RC3H1: variants seen among roughly 807,000 people sequenced by gnomAD.
The protein encoded by RC3H1 is ring finger and CCCH-type domains 1.
Under a neutral mutation model 138.2 loss-of-function variants are expected in RC3H1, and 50 were observed. That is an observed-to-expected ratio of 0.36 (90% CI 0.29 to 0.46). RC3H1 has a LOEUF of 0.46. RC3H1 is among the 20% of genes least tolerant of loss of function. The probability of loss-of-function intolerance (pLI) is 1.00; values close to 1 mark genes in which losing one functional copy is unlikely to be tolerated. For synonymous variants in RC3H1, 462 were observed against 489.1 expected (o/e 0.94, Z 0.73); for missense variants, 1,031 against 1,388.1 (o/e 0.74, Z 4.09).
chr1:173,934,883 A>G lies in RC3H1; in HGVS notation c.*3838T>C, dbSNP rs559989742. ...GAGCTCCATCCCTGAAGAACTCTGG[A>G]AAGTCTGATGGAGTTATATACTCAA... On this transcript the variant is annotated 3_prime_UTR_variant, in exon 20 of 20. Transcript: ENST00000367696. 5 of 152,306 alleles carry G rather than the reference A, an allele frequency of 3.3e-5. No homozygotes were observed. In the East Asian group the frequency reaches 9.6e-4, roughly 29 times the overall value. 9.4% of individuals were successfully genotyped at this position (152,306 alleles called of 1,614,324 possible).
chr1:173,941,478 C>A, intron 18 of RC3H1, 98 bp from the exon 19 acceptor site: 1 of 720,224 alleles, frequency 1.4e-6, no homozygotes, highest in Non-Finnish European at 2.4e-6. Context: ...ATCCAGAAAT[C>A]ATATTCAATT....
At position 173,961,734 on chromosome 1, in the gene RC3H1, C is replaced by G. The variant is rs184550773; in HGVS notation, c.2193G>C (p.Ser731=). 6.2e-7 allele frequency: 1 copy of G among 1,610,792 alleles called. No homozygotes were observed. Among genetic ancestry groups the G allele is most frequent in the Non-Finnish European group, 8.5e-7 (1 of 1,178,998 alleles). The change falls in exon 12 of 20, where the codon TCG becomes TCC. Residue 731 remains serine (S), a synonymous_variant. Coordinates refer to ENST00000367696, the MANE Select transcript of RC3H1 (RefSeq NM_172071.4). ...AAAAAATACAGCATACTCTGAGGTA[C>G]GAAGGTCTGATCTGAGTTGGATGAG... ...VAPHPTQIRP[S]YLREPPYSRL...
chr1:173,959,583 C>T (rs917985750), intron 13 of RC3H1, among the ~76,000 whole-genome samples: 3 of 151,868 alleles, frequency 2.0e-5, no homozygotes, highest in African/African-American at 7.3e-5. Context: ...CCATCTTGGC[C>T]AACATGGTGA....
At chr1:173,970,363 G>T in intron 9 of RC3H1, 142 bp downstream of exon 9, 1 of 608,684 alleles carries the variant, frequency 1.6e-6, no homozygotes, top group Non-Finnish European at 2.8e-6. Flanking sequence ...CAGATTTTCA[G>T]AATAGGAATG....
At chr1:173,985,968 A>C (rs1661008016) in intron 2 of RC3H1, among the ~76,000 whole-genome samples, 1 of 152,216 alleles carries the variant, frequency 6.6e-6, no homozygotes, top group Non-Finnish European at 1.5e-5. Flanking sequence ...TTACAGAAAA[A>C]TGGCAAAGAT....
Position 173,965,125 on chromosome 1 carries a change from A to G in RC3H1, c.1335-5T>C, listed in dbSNP as rs374634290. On this transcript the variant is annotated splice_region_variant and splice_polypyrimidine_tract_variant and intron_variant, in intron 9 of 19. Transcript: ENST00000367696. ...CGCTTATTCATTTTACGAAATCTATATAAAAAGCATAGGCACATATCAAAA... is the reference window on the plus strand; with the variant it reads ...CGCTTATTCATTTTACGAAATCTATGTAAAAAGCATAGGCACATATCAAAA... 1.3e-4 allele frequency: 209 copies of G among 1,605,642 alleles called. No homozygotes were observed. Among genetic ancestry groups the G allele is most frequent in the Non-Finnish European group, 1.6e-4 (194 of 1,176,702 alleles).
intron 2 of RC3H1, 151 bp downstream of exon 2, chr1:173,992,604 T>C: frequency 1.6e-6 from 1 of 615,724 alleles, no homozygotes; most frequent in Non-Finnish European, 2.9e-6. Context: ...TTATACCTAT[T>C]TAAATAGAAG....
intron 18 of RC3H1, among the ~76,000 whole-genome samples, chr1:173,943,151 T>C (rs376437718): frequency 1.3e-5 from 2 of 152,204 alleles, no homozygotes; most frequent in Non-Finnish European, 2.9e-5. Flanking sequence ...CTAATCAGTA[T>C]GCTAAACAGA....
At chr1:173,969,671 C>T (rs7513740) in intron 9 of RC3H1, among the ~76,000 whole-genome samples, 3,313 of 151,658 alleles carry the variant, frequency 0.022, 134 homozygotes, top group African/African-American at 0.076. Context: ...AGTTTGAGAC[C>T]AGCCTGGGCA....
chr1:173,968,860 T>TC (rs1660230084), intron 9 of RC3H1, among the ~76,000 whole-genome samples: 1 of 149,206 alleles, frequency 6.7e-6, no homozygotes, highest in African/African-American at 2.5e-5. Context: ...ATTTTGATTT[T>TC]TTTTTTTTTT....
chr1:173,942,661 T>C (rs1168331506), intron 18 of RC3H1, among the ~76,000 whole-genome samples: 1 of 150,962 alleles, frequency 6.6e-6, no homozygotes, highest in Non-Finnish European at 1.5e-5. Flanking sequence ...TGAAACCCCG[T>C]CTCTACTAAA....
chr1:173,945,424 C>A (rs1047206878), intron 17 of RC3H1, among the ~76,000 whole-genome samples: 1 of 152,000 alleles, frequency 6.6e-6, no homozygotes, highest in African/African-American at 2.4e-5. Flanking sequence ...CCACGTCCAG[C>A]CAGATTTTAA....
intron 1 of RC3H1, among the ~76,000 whole-genome samples, chr1:174,005,645 A>C (rs879605283): frequency 3.3e-5 from 5 of 152,176 alleles, no homozygotes; most frequent in African/African-American, 4.8e-5. Context: ...CCTGCATCAT[A>C]AATTATCAGT....
At chr1:173,950,776 T>C (rs532421632) in intron 14 of RC3H1, among the ~76,000 whole-genome samples, 13 of 150,784 alleles carry the variant, frequency 8.6e-5, no homozygotes, top group South Asian at 2.1e-4. Flanking sequence ...CTCATGCCTG[T>C]AATCCCAGCA....
intron 2 of RC3H1, among the ~76,000 whole-genome samples, chr1:173,987,084 A>G (rs1661058074): frequency 6.6e-6 from 1 of 152,160 alleles, no homozygotes; most frequent in Non-Finnish European, 1.5e-5. Context: ...TATCAAAGCT[A>G]CACACCACCA....
chr1:173,944,144 G>A (rs1193018526), intron 17 of RC3H1, among the ~76,000 whole-genome samples: 1 of 147,146 alleles, frequency 6.8e-6, no homozygotes, highest in African/African-American at 2.5e-5. Flanking sequence ...ATGCACTCCA[G>A]CCTGGGCAAC....
intron 1 of RC3H1, among the ~76,000 whole-genome samples, chr1:174,001,319 G>A (rs1661561498): frequency 6.6e-6 from 1 of 152,190 alleles, no homozygotes; most frequent in African/African-American, 2.4e-5. Context: ...CTTTACGTAT[G>A]TAGTTTGAAT....
rs762309836 is a variant in RC3H1 at position 173,961,767 on chromosome 1, T to C, written c.2160A>G (p.Pro720=). 2 of 1,612,926 alleles carry C rather than the reference T, an allele frequency of 1.2e-6. No homozygotes were observed. Among genetic ancestry groups the C allele is most frequent in the South Asian group, 2.2e-5 (2 of 91,028 alleles). Residue 720 remains proline, a synonymous_variant, in exon 12 of 20, where the codon CCA becomes CCG. Transcript: ENST00000367696. ...TGATCTGAGTTGGATGAGGAGCCAC[T>C]GGATAGTAACTCTCGATCTGTTGGT... ...ERYQQIESYY[P]VAPHPTQIRP...
intron 2 of RC3H1, among the ~76,000 whole-genome samples, chr1:173,988,500 T>C (rs983829687): frequency 5.9e-5 from 9 of 152,368 alleles, no homozygotes; most frequent in Middle Eastern, 3.4e-3. Flanking sequence ...ATATCTCAAC[T>C]GCTTCCATTT....
Sources: allele counts gnomAD v4.1 joint callset (sites outside exome capture counted in the v4.1 genomes callset), GRCh38; gene constraint gnomAD v4.1.1; transcripts MANE v1.5; gene names NCBI Gene and HGNC (gene_info 2026-07-23, HGNC 2026-07-21).